The following MTR variants were observed in gnomAD, a reference collection of about 807,000 sequenced individuals.
MTR encodes 5-methyltetrahydrofolate-homocysteine methyltransferase, also known as methionine synthase.
A neutral mutation model predicts 154.8 loss-of-function variants in MTR; 84 were observed. The observed-to-expected ratio is 0.54, with a 90% CI of 0.45 to 0.65. The LOEUF is 0.65. Among genes scored for constraint, MTR ranks in the 30% least tolerant of loss-of-function variants. The probability of loss-of-function intolerance (pLI) is 0.00; values close to 1 mark genes in which losing one functional copy is unlikely to be tolerated. For missense variants in MTR, 1,275 were observed against 1,570.2 expected (o/e 0.81, Z 3.18); for synonymous variants, 554 against 553.9 (o/e 1.00, Z 0.00).
intron 29 of MTR, 83 bp from the exon 30 acceptor site, chr1:236,894,274 T>C (rs1036440528): frequency 1.5e-6 from 2 of 1,327,680 alleles, no homozygotes; most frequent in Non-Finnish European, 2.2e-6. Flanking sequence ...CATTTGACGA[T>C]ACCCGATTGC....
chr1:236,862,368 G>A, intron 21 of MTR, 25 bp downstream of exon 21: 2 of 1,582,616 alleles, frequency 1.3e-6, no homozygotes, highest in African/African-American at 1.3e-5. Flanking sequence ...TCAGGCCTAT[G>A]GGCCTTTAGT....
chr1:236,840,561 A>G (rs774686786), intron 15 of MTR, among the ~76,000 whole-genome samples: 4 of 152,200 alleles, frequency 2.6e-5, no homozygotes, highest in Admixed American at 2.0e-4. Context: ...GAATAAAATG[A>G]GAGAGGAAGC....
Position 236,903,631 on chromosome 1 carries a change from G to T in MTR, c.*5987G>T, listed in dbSNP as rs2147985432. ...TATGAAATGGAAGAAACAAGAACTA[G>T]ACAGAGTCACAAATGCTGTTGATCA... On this transcript the variant is annotated 3_prime_UTR_variant, in exon 33 of 33. Transcript: ENST00000366577. 1 of 152,244 alleles carries T rather than the reference G, an allele frequency of 6.6e-6. No individual in the cohort carries two copies. The highest frequency in any genetic ancestry group is 1.9e-4 in the East Asian group (1 of 5,174). The allele number at this position is 152,244 out of a possible 1,614,324, so 9.4% of individuals were successfully genotyped here.
intron 15 of MTR, among the ~76,000 whole-genome samples, chr1:236,842,665 C>T (rs1663323333): frequency 6.6e-6 from 1 of 151,708 alleles, no homozygotes; most frequent in African/African-American, 2.4e-5. Context: ...TTAGTATGTG[C>T]CAGGCCCTAT....
intron 15 of MTR, among the ~76,000 whole-genome samples, chr1:236,849,767 G>A (rs1028882303): frequency 1.3e-5 from 2 of 152,204 alleles, no homozygotes; most frequent in Non-Finnish European, 2.9e-5. Context: ...AGACTAATTT[G>A]TATTTATGAC....
At chr1:236,886,436 A>C in intron 27 of MTR, 69 bp downstream of exon 27, 1 of 1,465,134 alleles carries the variant, frequency 6.8e-7, no homozygotes, top group Non-Finnish European at 9.5e-7. Context: ...AAATACATGC[A>C]TTTACTTGGC....
At position 236,817,458 on chromosome 1, in the gene MTR, G is replaced by T. The variant is rs1661663279; in HGVS notation, c.764+915G>T. 2.0e-5 allele frequency among the ~76,000 whole-genome samples: 3 copies of T among 152,190 alleles called. No homozygotes were observed. The South Asian group carries it at 6.2e-4, about 32-fold the overall frequency. ...TTTATTTTAGCTTTTGCCATAAAAA[G>T]TAAGAGTAATAGACATTTGTTGAGA... On this transcript the variant is annotated intron_variant, in intron 8 of 32. Transcript: ENST00000366577.
chr1:236,903,277 T>C lies in MTR; in HGVS notation c.*5633T>C, dbSNP rs1385371286. On this transcript the variant is annotated 3_prime_UTR_variant, in exon 33 of 33. Coordinates refer to ENST00000366577, the MANE Select transcript of MTR (RefSeq NM_000254.3). ...GCACTGTTTCAAATTTTTACAAGTG[T>C]ATGTTATTGTACTTTTAAAAAGATT... The C allele has an allele frequency of 6.6e-6, 1 of 152,246 alleles. No homozygotes were observed. Among genetic ancestry groups the C allele is most frequent in the Non-Finnish European group, 1.5e-5 (1 of 68,040 alleles). The allele number at this position is 152,246 out of a possible 1,614,324, so 9.4% of individuals were successfully genotyped here. A position where few individuals can be genotyped will look rare whatever the true frequency, so the allele number is the denominator to read the frequency against.
chr1:236,824,044 G>T lies in MTR; in HGVS notation c.765-75G>T, dbSNP rs1026401950. The stretch of plus-strand genomic sequence containing the variant: ...TTATCCACTTGGTTTTAGATATATT[G>T]TCTCCATATATAACTTATATGCATA... On this transcript the variant is annotated intron_variant, in intron 8 of 32. Coordinates refer to ENST00000366577, the MANE Select transcript of MTR (RefSeq NM_000254.3). 3.3e-6 allele frequency: 4 copies of T among 1,229,140 alleles called. No individual in the cohort carries two copies. The African/African-American group carries it at 6.0e-5, about 18-fold the overall frequency. 76.1% of individuals were successfully genotyped at this position (1,229,140 alleles called of 1,614,324 possible). A position where few individuals can be genotyped will look rare whatever the true frequency, so the allele number is the denominator to read the frequency against.
chr1:236,854,332 A>T (rs1432316339), intron 18 of MTR, among the ~76,000 whole-genome samples: 3 of 152,196 alleles, frequency 2.0e-5, no homozygotes, highest in African/African-American at 4.8e-5. Flanking sequence ...CCAGTTTCTC[A>T]TGTGGACCCA....
intron 8 of MTR, 31 bp from the exon 9 acceptor site, chr1:236,824,088 T>C (rs1662143302): frequency 6.5e-7 from 1 of 1,537,430 alleles, no homozygotes; most frequent in Non-Finnish European, 9.0e-7. Flanking sequence ...TGAGAGATGA[T>C]GCTTTTAATA....
chr1:236,826,306 T>C (rs912971216), intron 10 of MTR, among the ~76,000 whole-genome samples: 1 of 152,206 alleles, frequency 6.6e-6, no homozygotes, highest in Non-Finnish European at 1.5e-5. Context: ...TTTTTGTGTT[T>C]ATTTTTTTGA....
chr1:236,859,857 G>A lies in MTR; in HGVS notation c.1978G>A (p.Val660Ile), dbSNP rs779073737. Residue 660 changes from valine to isoleucine, a missense_variant, in exon 19 of 33, where the codon GTC (valine) becomes ATC (isoleucine). By Grantham distance (29) the Val-to-Ile change is conservative. Transcript: ENST00000366577. ...GACTCAAGGCACAGGAGGGAAGAAA[G>A]TCATTCAGACTGATGAGTGGAGAAA... is the stretch of plus-strand genomic sequence containing the variant. ...AQTQGTGGKK[V>I]IQTDEWRNGP... The A allele has an allele frequency of 6.2e-7, 1 of 1,614,026 alleles. No homozygotes were observed. Among genetic ancestry groups the A allele is most frequent in the Admixed American group, 1.7e-5 (1 of 60,026 alleles).
intron 11 of MTR, among the ~76,000 whole-genome samples, chr1:236,827,418 G>T (rs1017260513): frequency 6.6e-6 from 1 of 152,028 alleles, no homozygotes; most frequent in African/African-American, 2.4e-5. Context: ...CTGTCACATG[G>T]TTGCCATAAT....
intron 25 of MTR, among the ~76,000 whole-genome samples, chr1:236,884,624 A>T (rs896688828): frequency 6.6e-6 from 1 of 152,202 alleles, no homozygotes; most frequent in Non-Finnish European, 1.5e-5. Context: ...ATGTGACAAC[A>T]TGTAAGGAGC....
At chr1:236,890,248 C>G (rs1666241933) in intron 28 of MTR, among the ~76,000 whole-genome samples, 1 of 152,106 alleles carries the variant, frequency 6.6e-6, no homozygotes, top group South Asian at 2.1e-4. Context: ...AGTGTGCTGC[C>G]CCTGAATCAT....
chr1:236,833,865 G>A (rs986212684), intron 13 of MTR, among the ~76,000 whole-genome samples: 2 of 152,180 alleles, frequency 1.3e-5, no homozygotes, highest in Non-Finnish European at 2.9e-5. Context: ...TGACCCTGTT[G>A]CTTACTATCT....
chr1:236,834,032 G>A (rs576812249), intron 13 of MTR, among the ~76,000 whole-genome samples: 2 of 152,248 alleles, frequency 1.3e-5, no homozygotes, highest in African/African-American at 4.8e-5. Flanking sequence ...GCAGTGCCCA[G>A]TAGTTTTTTA....
Position 236,795,464 on chromosome 1 carries a change from C to A in MTR, c.-240C>A, listed in dbSNP as rs572516902. 2.0e-6 allele frequency: 3 copies of A among 1,503,514 alleles called. No individual in the cohort carries two copies. The highest frequency in any genetic ancestry group is 2.7e-6 in the Non-Finnish European group (3 of 1,125,704). 93.1% of individuals were successfully genotyped at this position (1,503,514 alleles called of 1,614,324 possible). On this transcript the variant is annotated 5_prime_UTR_variant, in exon 1 of 33. Transcript: ENST00000366577. ...CGACACCAAGGACTGGCCGGGTACC[C>A]GGGAAGAAAGCACGTGCTCCAGCAG...
Sources: allele counts gnomAD v4.1 joint callset (sites outside exome capture counted in the v4.1 genomes callset), GRCh38; gene constraint gnomAD v4.1.1; transcripts MANE v1.5; gene names NCBI Gene and HGNC (gene_info 2026-07-23, HGNC 2026-07-21).